The following OR6K3 variants were observed in gnomAD, a reference collection of about 807,000 sequenced individuals.
OR6K3 encodes the protein olfactory receptor 6K3.
For synonymous variants in OR6K3, 169 were observed against 137.7 expected (o/e 1.23, Z -1.59); for missense variants, 396 against 382.5 (o/e 1.04, Z -0.29).
rs780221918 is a variant in OR6K3, at chr1:158,717,671, A to G, written c.445T>C (p.Cys149Arg). Residue 149 changes from cysteine (C) to arginine (R), a missense_variant, in exon 2 of 2, where the codon TGC becomes CGC. Cys to Arg is a radical substitution (Grantham distance 180). Transcript: ENST00000368145. ...RLCAQLSAGSCLFGFLILLPE... is the reference protein window; with the variant it reads ...RLCAQLSAGSRLFGFLILLPE... ...AGCAGGATAAGGAAACCGAAGAGGC[A>G]GGAACCTGCAGAGAGTTGAGCACAG... is the stretch of plus-strand genomic sequence containing the variant. The G allele has an allele frequency of 4.3e-6, 7 of 1,613,716 alleles. No individual in the cohort carries two copies. The East Asian group carries it at 1.6e-4, about 36-fold the overall frequency.
upstream of OR6K3, among the ~76,000 whole-genome samples, chr1:158,721,649 G>T (rs1656285806): frequency 6.6e-6 from 1 of 151,428 alleles, no homozygotes; most frequent in Non-Finnish European, 1.5e-5. Context: ...GTATTCTCAA[G>T]CTCAGAAATA....
At position 158,717,825 on chromosome 1, in the gene OR6K3, G is replaced by A. The variant is rs777449892; in HGVS notation, c.291C>T (p.Cys97=). ...SEKKAISMTG[C]ILQMYFFHSL... ...AGTGGAAGAAATACATCTGCAAGAT[G>A]CAGCCAGTCATTGAGATGGCCTTCT... The change falls in exon 2 of 2, where the codon TGC becomes TGT. Residue 97 remains cysteine, a synonymous_variant. Coordinates refer to ENST00000368145, the MANE Select transcript of OR6K3 (RefSeq NM_001005327.3). 74 of 1,613,720 alleles carry A rather than the reference G, an allele frequency of 4.6e-5. No individual in the cohort carries two copies. Among genetic ancestry groups the A allele is most frequent in the Non-Finnish European group, 6.2e-5 (73 of 1,179,826 alleles).
upstream of OR6K3, among the ~76,000 whole-genome samples, chr1:158,722,512 C>T (rs954659006): frequency 6.6e-6 from 1 of 151,956 alleles, no homozygotes; most frequent in African/African-American, 2.4e-5. Context: ...TCTCTCTATC[C>T]AGATTTCCCA....
At position 158,717,430 on chromosome 1, in the gene OR6K3, G is replaced by A. The variant is rs746940833; in HGVS notation, c.686C>T (p.Ser229Phe). The A allele has an allele frequency of 3.7e-6, 6 of 1,613,632 alleles. No homozygotes were observed. The African/African-American group carries it at 5.3e-5, about 14-fold the overall frequency. The change falls in exon 2 of 2, where the codon TCT (serine) becomes TTT (phenylalanine). Residue 229 changes from serine (S) to phenylalanine (F), a missense_variant. By Grantham distance (155) the Ser-to-Phe change is radical (BLOSUM62 -2). Coordinates refer to ENST00000368145, the MANE Select transcript of OR6K3 (RefSeq NM_001005327.3). ...RIVTVILRIP[S>F]SEGRQKAFST... The stretch of plus-strand genomic sequence containing the variant: ...AAAAGCCTTTTGCCTCCCTTCAGAA[G>A]AGGGAATCCTCAATATCACAGTGAC...
rs747927916 is a variant in OR6K3 at position 158,717,439 on chromosome 1, C to T, written c.677G>A (p.Arg226Lys). 5 of 1,613,634 alleles carry T rather than the reference C, an allele frequency of 3.1e-6. No homozygotes were observed. Among genetic ancestry groups the T allele is most frequent in the Middle Eastern group, 3.3e-4 (2 of 6,054 alleles). ...TTGCCTCCCTTCAGAAGAGGGAATC[C>T]TCAATATCACAGTGACAATTCTTAC... ...SYVRIVTVIL[R>K]IPSSEGRQKA... Residue 226 changes from arginine (R) to lysine (K), a missense_variant, in exon 2 of 2, where the codon AGG becomes AAG. Arg to Lys is a conservative substitution (Grantham distance 26). Transcript: ENST00000368145.
At chr1:158,721,928 T>C (rs993577249), upstream of OR6K3, among the ~76,000 whole-genome samples, 1 of 151,980 alleles carries the variant, frequency 6.6e-6, no homozygotes, top group African/African-American at 2.4e-5. Flanking sequence ...TTTTTATTTC[T>C]CAACTTTTTT....
upstream of OR6K3, chr1:158,724,088 A>G (rs1432570294): frequency 6.6e-6 from 1 of 152,540 alleles, no homozygotes. Context: ...TAACATCCAC[A>G]GTGAAAGGTG....
Position 158,717,917 on chromosome 1 carries a change from A to C in OR6K3, c.199T>G (p.Ser67Ala). Residue 67 changes from serine (S) to alanine (A), a missense_variant, in exon 2 of 2, where the codon TCC (serine) becomes GCC (alanine). Transcript: ENST00000368145. ...NPMYNFISIFSFLEIWYTTAT... is the reference protein window; with the variant it reads ...NPMYNFISIFAFLEIWYTTAT... ...GTGGTGTACCAGATCTCCAGAAAGG[A>C]AAATATACTGATAAAATTATACATG... The C allele has an allele frequency of 1.2e-6, 2 of 1,613,754 alleles. No individual in the cohort carries two copies. The highest frequency in any genetic ancestry group is 1.7e-6 in the Non-Finnish European group (2 of 1,179,776).
chr1:158,724,559 AG>A, upstream of OR6K3: 2 of 264,830 alleles, frequency 7.6e-6, no homozygotes. Context: ...GGTCCACAGA[AG>A]GGCAGTGTGG....
At chr1:158,720,003 G>A (rs1656251376) in intron 1 of OR6K3, among the ~76,000 whole-genome samples, 1 of 151,960 alleles carries the variant, frequency 6.6e-6, no homozygotes, top group Admixed American at 6.6e-5. Flanking sequence ...CTAATGCAGG[G>A]CAAAGTCAGA....
upstream of OR6K3, chr1:158,720,771 C>G (rs1656266219): frequency 6.6e-6 from 1 of 151,982 alleles, no homozygotes; most frequent in Non-Finnish European, 1.5e-5. Flanking sequence ...GATTTATAGT[C>G]TCTCCATAGG....
chr1:158,718,034 A>G lies in OR6K3; in HGVS notation c.82T>C (p.Phe28Leu), dbSNP rs146083681. 3 of 1,612,940 alleles carry G rather than the reference A, an allele frequency of 1.9e-6. No individual in the cohort carries two copies. Among genetic ancestry groups the G allele is most frequent in the African/African-American group, 1.3e-5 (1 of 74,844 alleles). The change falls in exon 2 of 2, where the codon TTC becomes CTC. Residue 28 changes from phenylalanine to leucine, a missense_variant. By Grantham distance (22) the Phe-to-Leu change is conservative. Transcript: ENST00000368145. ...PQLQDGSLLY[F>L]FPLLFIYTFI... is the part of the protein sequence containing the mutation. Reference sequence around the variant, plus strand: ...GTATAGATGAAAAGTAAAGGAAAGAAGTACAGGAGACTACCATCCTGAAGC... The same window carrying G: ...GTATAGATGAAAAGTAAAGGAAAGAGGTACAGGAGACTACCATCCTGAAGC...
chr1:158,718,280 C>A (rs757387835), intron 1 of OR6K3, 148 bp from the exon 2 acceptor site: 19 of 497,446 alleles, frequency 3.8e-5, no homozygotes, highest in South Asian at 8.3e-5. Flanking sequence ...ACATATTGTC[C>A]AATGTTTGAT....
upstream of OR6K3, chr1:158,724,588 G>A (rs1656345238): frequency 3.9e-6 from 1 of 253,746 alleles, no homozygotes; most frequent in Middle Eastern, 4.7e-4. Flanking sequence ...TGCAATCTCT[G>A]GGAGCAACAC....
At chr1:158,723,640 T>C (rs1244376528), upstream of OR6K3, among the ~76,000 whole-genome samples, 1 of 152,014 alleles carries the variant, frequency 6.6e-6, no homozygotes, top group Non-Finnish European at 1.5e-5. Context: ...ATTACTTTTA[T>C]ACCAATAGAT....
At chr1:158,718,688 A>G (rs1656227204) in intron 1 of OR6K3, among the ~76,000 whole-genome samples, 1 of 152,036 alleles carries the variant, frequency 6.6e-6, no homozygotes, top group Non-Finnish European at 1.5e-5. Flanking sequence ...CATTGTGCAC[A>G]TGCTCTTTGA....
At chr1:158,720,177 A>C (rs1356940909) in intron 1 of OR6K3, among the ~76,000 whole-genome samples, 6 of 152,052 alleles carry the variant, frequency 3.9e-5, no homozygotes, top group Admixed American at 3.9e-4. Context: ...GTTTGTCAGG[A>C]TCCATCATCA....
chr1:158,721,395 G>A (rs1409088475), upstream of OR6K3, among the ~76,000 whole-genome samples: 1 of 151,884 alleles, frequency 6.6e-6, no homozygotes, highest in East Asian at 1.9e-4. Flanking sequence ...AAATTGCAAA[G>A]TTCTCATTTT....
upstream of OR6K3, among the ~76,000 whole-genome samples, chr1:158,723,468 T>C (rs1656324267): frequency 6.6e-6 from 1 of 152,002 alleles, no homozygotes; most frequent in South Asian, 2.1e-4. Flanking sequence ...TATTAAAGCA[T>C]TCTCTAAAAC....
Sources: gnomAD v4.1 joint callset for allele counts (sites outside exome capture counted in the v4.1 genomes callset) on GRCh38, gnomAD v4.1.1 for gene constraint, MANE v1.5 for transcripts, NCBI Gene and HGNC (gene_info 2026-07-23, HGNC 2026-07-21) for gene names.